Variants in CLASP2 observed in about 807,000 individuals in gnomAD.
CLASP2 encodes the protein CLIP-associating protein 2.
CLASP2 carries 47 observed loss-of-function variants against 194.4 expected under a neutral mutation model. The ratio of observed to expected loss-of-function variants is 0.24; its 90% CI spans 0.19 to 0.31. CLASP2 has a LOEUF of 0.31. CLASP2 is among the 10% of genes least tolerant of loss of function. The pLI is 1.00. For synonymous variants in CLASP2, 619 were observed against 633.5 expected, an observed-to-expected ratio of 0.98 and a Z score of 0.34; for missense variants, 1,445 against 1,823.6, an observed-to-expected ratio of 0.79 and a Z score of 3.78.
At chr3:33,529,720 G>A (rs563427071) in intron 34 of CLASP2, among the ~76,000 whole-genome samples, 1 of 152,210 alleles carries the variant, frequency 6.6e-6, no homozygotes, top group South Asian at 2.1e-4. Context: ...GGTGGCTCAC[G>A]CCTGTAATCC....
At chr3:33,599,922 G>C (rs1464826858) in intron 18 of CLASP2, among the ~76,000 whole-genome samples, 5 of 152,030 alleles carry the variant, frequency 3.3e-5, no homozygotes, top group Admixed American at 3.3e-4. Flanking sequence ...TTTTTACAAT[G>C]AAACATGAAA....
chr3:33,515,213 C>G (rs1208751207), intron 36 of CLASP2, among the ~76,000 whole-genome samples: 1 of 152,036 alleles, frequency 6.6e-6, no homozygotes, highest in Non-Finnish European at 1.5e-5. Flanking sequence ...CCTCAAAAAC[C>G]TATTGAAATA....
chr3:33,595,394 C>A (rs1178536192), intron 19 of CLASP2, among the ~76,000 whole-genome samples: 1 of 151,972 alleles, frequency 6.6e-6, no homozygotes, highest in East Asian at 1.9e-4. Flanking sequence ...TCAGAAAAAG[C>A]TAACTGACAA....
At chr3:33,525,450 T>C (rs1369542910) in intron 34 of CLASP2, among the ~76,000 whole-genome samples, 8 of 151,778 alleles carry the variant, frequency 5.3e-5, no homozygotes, top group Admixed American at 3.9e-4. Context: ...AGGAAACAAC[T>C]TGACCCACAG....
At chr3:33,712,983 G>C (rs1430795509) in intron 1 of CLASP2, among the ~76,000 whole-genome samples, 2 of 124,174 alleles carry the variant, frequency 1.6e-5, no homozygotes, top group African/African-American at 6.2e-5. Context: ...CTGCACTCCA[G>C]CCTGGGCGAC....
intron 24 of CLASP2, among the ~76,000 whole-genome samples, chr3:33,574,198 G>A (rs533010840): frequency 6.6e-6 from 1 of 152,032 alleles, no homozygotes; most frequent in African/African-American, 2.4e-5. Context: ...GCTGATGAGT[G>A]GTGAAGATGT....
At chr3:33,606,895 T>C in intron 15 of CLASP2, 137 bp from the exon 16 acceptor site, 1 of 670,964 alleles carries the variant, frequency 1.5e-6, no homozygotes, top group Non-Finnish European at 2.5e-6. Context: ...GTGAACACTT[T>C]CTAAATTGAA....
chr3:33,552,286 T>C (rs943345917), intron 29 of CLASP2, among the ~76,000 whole-genome samples: 2 of 152,006 alleles, frequency 1.3e-5, no homozygotes, highest in Non-Finnish European at 2.9e-5. Flanking sequence ...ACCCAGCTAA[T>C]TTTTGTGTTT....
At chr3:33,510,087 A>G (rs1313708040) in intron 37 of CLASP2, among the ~76,000 whole-genome samples, 9 of 152,254 alleles carry the variant, frequency 5.9e-5, no homozygotes, top group Admixed American at 2.0e-4. Flanking sequence ...ACAAGCTACA[A>G]CATGGATGAA....
chr3:33,618,536 T>C (rs1577282210), intron 12 of CLASP2, among the ~76,000 whole-genome samples: 1 of 120,246 alleles, frequency 8.3e-6, no homozygotes, highest in East Asian at 2.3e-4. Flanking sequence ...TAGTACCCGC[T>C]ACTTGGAGGC....
chr3:33,528,629 G>A (rs2055277325), intron 34 of CLASP2, among the ~76,000 whole-genome samples: 1 of 152,146 alleles, frequency 6.6e-6, no homozygotes, highest in African/African-American at 2.4e-5. Context: ...TGGAGTGGTG[G>A]TGTGTGCCTG....
At chr3:33,686,078 C>T (rs2090633335) in intron 5 of CLASP2, among the ~76,000 whole-genome samples, 2 of 152,100 alleles carry the variant, frequency 1.3e-5, no homozygotes, top group African/African-American at 2.4e-5. Context: ...AGCTCTAGTT[C>T]CCTTGCACAG....
chr3:33,711,288 C>G (rs7635476), intron 1 of CLASP2, among the ~76,000 whole-genome samples: 10,195 of 150,762 alleles, frequency 0.068, 494 homozygotes, highest in Middle Eastern at 0.15. Context: ...TTCTCTCACC[C>G]AGGCCAGAGT....
At chr3:33,591,282 A>G (rs1014285403) in intron 21 of CLASP2, among the ~76,000 whole-genome samples, 5 of 152,256 alleles carry the variant, frequency 3.3e-5, no homozygotes, top group Admixed American at 2.0e-4. Flanking sequence ...ATCTCTTGAT[A>G]AAGAAGGAAG....
chr3:33,717,868 C>G lies in CLASP2; in HGVS notation c.135G>C (p.Leu45=). The stretch of plus-strand genomic sequence containing the variant: ...CGTCGACTGTCTTGCCTAGGCGGCC[C>G]AGGTCCTCCTCCAGGTCCGAGATGG... ...PGAISDLEED[L]GRLGKTVDAL... The change falls in exon 1 of 39, where the codon CTG becomes CTC. Residue 45 remains leucine (L), a synonymous_variant. Coordinates refer to ENST00000682230, the MANE Select transcript of CLASP2 (RefSeq NM_001365631.1). The G allele has an allele frequency of 6.4e-7, 1 of 1,563,902 alleles. No individual in the cohort carries two copies. The highest frequency in any genetic ancestry group is 8.7e-7 in the Non-Finnish European group (1 of 1,154,816).
At chr3:33,645,852 T>C (rs368809983) in intron 7 of CLASP2, among the ~76,000 whole-genome samples, 1 of 151,898 alleles carries the variant, frequency 6.6e-6, no homozygotes, top group Admixed American at 6.6e-5. Flanking sequence ...CATAAATGAT[T>C]CTACAAGGCT....
rs2082009958 is a variant in CLASP2, at chr3:33,644,857, T to C, written c.762A>G (p.Ser254=). The change falls in exon 8 of 39, where the codon TCA becomes TCG. Residue 254 remains serine, a synonymous_variant. Coordinates refer to ENST00000682230, the MANE Select transcript of CLASP2 (RefSeq NM_001365631.1). The part of the protein sequence containing the change: ...DEESVDGNRP[S]SAASAFKVPA... ...GAACCTTGAAGGCTGATGCAGCTGATGATGGCCTATTTCCATCCACTGATT... is the reference window on the plus strand; with the variant it reads ...GAACCTTGAAGGCTGATGCAGCTGACGATGGCCTATTTCCATCCACTGATT... The C allele has an allele frequency of 6.2e-7, 1 of 1,608,952 alleles. No homozygotes were observed. Among genetic ancestry groups the C allele is most frequent in the East Asian group, 2.2e-5 (1 of 44,810 alleles).
chr3:33,654,486 A>C (rs1004538816), intron 7 of CLASP2, among the ~76,000 whole-genome samples: 2 of 152,158 alleles, frequency 1.3e-5, no homozygotes, highest in Non-Finnish European at 2.9e-5. Flanking sequence ...AAAACATAAA[A>C]GACAGAGGAT....
chr3:33,695,787 AAAAGAAAAAAGC>A (rs1435063608), intron 2 of CLASP2, among the ~76,000 whole-genome samples: 1 of 152,158 alleles, frequency 6.6e-6, no homozygotes, highest in Non-Finnish European at 1.5e-5. Flanking sequence ...TTTAAAATAC[AAAAGAAAAAAGC>A]AAAGAAAATC....
Sources: allele counts gnomAD v4.1 joint callset (sites outside exome capture counted in the v4.1 genomes callset), GRCh38; gene constraint gnomAD v4.1.1; transcripts MANE v1.5; gene names NCBI Gene and HGNC (gene_info 2026-07-23, HGNC 2026-07-21).